The following CELSR2 variants were observed in gnomAD, a reference collection of about 807,000 sequenced individuals.
CELSR2 encodes the protein cadherin EGF LAG seven-pass G-type receptor 2, also known as EGF-like protein 2.
In CELSR2, 81 loss-of-function variants were observed where a neutral mutation model predicts 251.6. The observed-to-expected ratio is 0.32, with a 90% CI of 0.27 to 0.39. The LOEUF is 0.39. Among genes scored for constraint, CELSR2 ranks in the 10% least tolerant of loss-of-function variants. The pLI, the probability that CELSR2 is intolerant of heterozygous loss-of-function variation, is 1.00. For synonymous variants in CELSR2, 1,721 were observed against 1,670.5 expected (o/e 1.03, Z -0.74); for missense variants, 3,365 against 3,947.7 (o/e 0.85, Z 3.96).
rs1469736422 is a variant in CELSR2, at chr1:109,267,633, G to A, written c.6099G>A (p.Leu2033=). Residue 2033 remains leucine (L), a synonymous_variant, in exon 16 of 34, where the codon CTG becomes CTA. Transcript: ENST00000271332. Reference sequence around the variant, plus strand: ...GCACGTCCATCACCTTCTCAGAACTGAAGGGCTTCGTAAGTGAACCCCCTC... The same window carrying A: ...GCACGTCCATCACCTTCTCAGAACTAAAGGGCTTCGTAAGTGAACCCCCTC... ...FNCTSITFSE[L]KGFAERLQRN... The A allele has an allele frequency of 6.2e-7, 1 of 1,614,174 alleles. No homozygotes were observed. Among genetic ancestry groups the A allele is most frequent in the Non-Finnish European group, 8.5e-7 (1 of 1,180,012 alleles).
In CELSR2 at chr1:109,258,626, G is replaced by A. The variant is rs766309271; in HGVS notation, c.3505G>A (p.Val1169Ile). 5 of 1,567,620 alleles carry A rather than the reference G, an allele frequency of 3.2e-6. No individual in the cohort carries two copies. The highest frequency in any genetic ancestry group is 2.7e-5 in the African/African-American group (2 of 73,762). ...ACCGGACCACGTGGTGGTCTTCAAC[G>A]TACAGCGGGACACCGACGCCCCCGG... is the stretch of plus-strand genomic sequence containing the variant. ...TPPDHVVVFN[V>I]QRDTDAPGGH... The change falls in exon 2 of 34, where the codon GTA (valine) becomes ATA (isoleucine). Residue 1169 changes from valine to isoleucine, a missense_variant. Val to Ile is a conservative substitution (Grantham distance 29). Transcript: ENST00000271332.
At chr1:109,257,140 G>T (rs1655872053) in intron 1 of CELSR2, among the ~76,000 whole-genome samples, 1 of 152,112 alleles carries the variant, frequency 6.6e-6, no homozygotes, top group South Asian at 2.1e-4. Flanking sequence ...GATCACTTGA[G>T]GCCAGGAATT....
In CELSR2 at chr1:109,275,478, G is replaced by C. The variant is rs188817460; in HGVS notation, c.*1429G>C. On this transcript the variant is annotated 3_prime_UTR_variant, in exon 34 of 34. Transcript: ENST00000271332. ...AAAGAGGCTGTGGGCAGGAAAGAAA[G>C]GCTCCTGTTTCTCATTTGTGAGGCC... 2.0e-5 allele frequency: 3 copies of C among 152,342 alleles called. No individual in the cohort carries two copies. The East Asian group carries it at 5.8e-4, about 29-fold the overall frequency. 9.4% of individuals were successfully genotyped at this position (152,342 alleles called of 1,614,324 possible).
chr1:109,265,639 CG>C, intron 13 of CELSR2, 95 bp from the exon 14 acceptor site: 4 of 1,446,282 alleles, frequency 2.8e-6, no homozygotes, highest in Non-Finnish European at 3.8e-6. Flanking sequence ...GACCTGAGGT[CG>C]GGACCCTCTC....
chr1:109,269,656 AC>A lies in CELSR2; in HGVS notation c.6981-35del. ...GAAAGTCCAGGCCCCTGCATGCCTC[AC>A]CCTCCTTGTCTCCCTGACCCTGCCT... On this transcript the variant is annotated intron_variant, in intron 21 of 33. Coordinates refer to ENST00000271332, the MANE Select transcript of CELSR2 (RefSeq NM_001408.3). The surrounding 1 kb of genome is among the most constrained non-coding windows in gnomAD (Gnocchi z 6.4). 1 of 1,613,476 alleles carries A rather than the reference AC, an allele frequency of 6.2e-7. No homozygotes were observed. The highest frequency in any genetic ancestry group is 8.5e-7 in the Non-Finnish European group (1 of 1,179,728).
rs748572588 is a variant in CELSR2, at chr1:109,273,552, G to T, written c.8626G>T (p.Gly2876Ter). Residue 2876 changes from glycine (G) to a stop codon, truncating the protein, a stop_gained, in exon 33 of 34, where the codon GGA becomes TGA. Transcript: ENST00000271332. LOFTEE classifies it high-confidence loss of function. ...CTCCTCCGCTAGTGAGGGCAGCCGG[G>T]GAGGCCCCCCTCCCCGCCCACCGCC... ...RGSSASEGSRGGPPPRPPPRQ... is the reference protein window; with the variant it reads ...RGSSASEGSR The T allele has an allele frequency of 1.3e-6, 2 of 1,580,524 alleles. No individual in the cohort carries two copies. Among genetic ancestry groups the T allele is most frequent in the South Asian group, 2.3e-5 (2 of 87,286 alleles).
At chr1:109,253,888 C>T in intron 1 of CELSR2, among the ~76,000 whole-genome samples, 1 of 152,238 alleles carries the variant, frequency 6.6e-6, no homozygotes, top group East Asian at 1.9e-4. Context: ...GGTCAGGACC[C>T]TGTAGTCCTC....
chr1:109,264,565 C>T lies in CELSR2; in HGVS notation c.5401C>T (p.Pro1801Ser). ...CCTGCCTGACCCTTGTGACTCAAACCCGTGTCCTGCTAACAGCTATTGCAG... is the reference window on the plus strand; with the variant it reads ...CCTGCCTGACCCTTGTGACTCAAACTCGTGTCCTGCTAACAGCTATTGCAG... ...CSLPDPCDSN[P>S]CPANSYCSND... Residue 1801 changes from proline (P) to serine (S), a missense_variant, in exon 11 of 34, where the codon CCG (proline) becomes TCG (serine). By Grantham distance (74) the Pro-to-Ser change is moderately conservative. Coordinates refer to ENST00000271332, the MANE Select transcript of CELSR2 (RefSeq NM_001408.3). The T allele has an allele frequency of 1.9e-6, 3 of 1,614,158 alleles. No homozygotes were observed. Among genetic ancestry groups the T allele is most frequent in the Non-Finnish European group, 2.5e-6 (3 of 1,180,006 alleles).
chr1:109,263,691 T>C lies in CELSR2; in HGVS notation c.4915T>C (p.Tyr1639His), dbSNP rs653635. ...CTCGCTGCCCATCTCCCAACCCTGG[T>C]ACCTCAGCCTCATGTTCCGCACGCG... Reference protein sequence around the residue: ...GLSLPISQPWYLSLMFRTRQA... With the variant: ...GLSLPISQPWHLSLMFRTRQA... Residue 1639 changes from tyrosine to histidine, a missense_variant, in exon 9 of 34, where the codon TAC becomes CAC. Physicochemically the swap from Tyr to His is moderately conservative, Grantham distance 83. Transcript: ENST00000271332. The C allele has an allele frequency of 0.097, 157,300 of 1,613,814 alleles. 9,036 individuals are homozygous for C. The highest frequency in any genetic ancestry group is 0.24 in the African/African-American group (17,776 of 75,014).
intron 15 of CELSR2, among the ~76,000 whole-genome samples, chr1:109,266,842 T>C (rs1214177285): frequency 6.6e-6 from 1 of 151,030 alleles, no homozygotes; most frequent in African/African-American, 2.4e-5. Flanking sequence ...ACCTCAGCCT[T>C]CCGAGTAGCT....
Position 109,266,179 on chromosome 1 carries a change from G to A in CELSR2, c.5986G>A (p.Ala1996Thr). ...WPRTRFGLPA[A>T]APCPKGSFGT... The stretch of plus-strand genomic sequence containing the variant: ...CCGTACCCGCTTCGGGCTGCCTGCT[G>A]CTGCTCCCTGTCCCAAAGGCTCCTT... The change falls in exon 15 of 34, where the codon GCT becomes ACT. Residue 1996 changes from alanine to threonine, a missense_variant. This residue lies in a region of CELSR2 where 2,093 missense variants were observed against 2,382.8 expected (regional missense o/e 0.88). Coordinates refer to ENST00000271332, the MANE Select transcript of CELSR2 (RefSeq NM_001408.3). The A allele has an allele frequency of 2.5e-6, 4 of 1,614,156 alleles. No individual in the cohort carries two copies. Among genetic ancestry groups the A allele is most frequent in the Non-Finnish European group, 3.4e-6 (4 of 1,180,034 alleles).
Position 109,269,195 on chromosome 1 carries a change from G to C in CELSR2, c.6717G>C (p.Glu2239Asp), listed in dbSNP as rs943489027. 3.7e-6 allele frequency: 6 copies of C among 1,612,554 alleles called. No homozygotes were observed. The African/African-American group carries it at 6.7e-5, about 18-fold the overall frequency. Residue 2239 changes from glutamate to aspartate, a missense_variant, in exon 20 of 34, where the codon GAG becomes GAC. Around this residue, in one of 5 missense-constraint regions of CELSR2, gnomAD observed 2,093 missense variants for 2,382.8 expected, o/e 0.88. Coordinates refer to ENST00000271332, the MANE Select transcript of CELSR2 (RefSeq NM_001408.3). The surrounding 1 kb of genome is among the most constrained non-coding windows in gnomAD (Gnocchi z 6.4). ...ELARRQRRHP[E>D]LSQGEAVASV... ...CACGGCGACAGCGACGGCACCCGGA[G>C]CTGAGCCAGGGTGAGGCTGTGGCCA...
At chr1:109,268,379 T>C (rs529371667) in intron 17 of CELSR2, among the ~76,000 whole-genome samples, 9 of 152,152 alleles carry the variant, frequency 5.9e-5, no homozygotes, top group Non-Finnish European at 1.2e-4. Flanking sequence ...ATGTAGAGAA[T>C]GAGGAGGAGG....
intron 23 of CELSR2, 129 bp from the exon 24 acceptor site, chr1:109,270,297 C>T: frequency 2.3e-6 from 3 of 1,301,330 alleles, no homozygotes; most frequent in Non-Finnish European, 3.2e-6. Flanking sequence ...TCCCCCAGCA[C>T]CTGCCTCTGG....
chr1:109,267,931 G>T lies in CELSR2; in HGVS notation c.6189G>T (p.Thr2063=). The change falls in exon 17 of 34, where the codon ACG becomes ACT. Residue 2063 remains threonine (T), a synonymous_variant. Coordinates refer to ENST00000271332, the MANE Select transcript of CELSR2 (RefSeq NM_001408.3). The part of the protein sequence containing the change: ...QQLALLLRNA[T]QHTAGYFGSD... ...TAGCCCTGCTCCTGCGCAACGCCAC[G>T]CAGCACACAGCTGGCTACTTCGGCA... is the stretch of plus-strand genomic sequence containing the variant. 1 of 1,611,718 alleles carries T rather than the reference G, an allele frequency of 6.2e-7. No homozygotes were observed. The highest frequency in any genetic ancestry group is 8.5e-7 in the Non-Finnish European group (1 of 1,179,836).
Position 109,264,879 on chromosome 1 carries a change from G to A in CELSR2, c.5476G>A (p.Asp1826Asn). Reference sequence around the variant, plus strand: ...CCTTCTGGTCCCAGGTTACTATGGTGACAACTGTACTAATGTGTGTGACCT... The same window carrying A: ...CCTTCTGGTCCCAGGTTACTATGGTAACAACTGTACTAATGTGTGTGACCT... Reference protein sequence around the residue: ...SCSCDPGYYGDNCTNVCDLNP... With the variant: ...SCSCDPGYYGNNCTNVCDLNP... Residue 1826 changes from aspartate to asparagine, a missense_variant, in exon 12 of 34, where the codon GAC (aspartate) becomes AAC (asparagine). By Grantham distance (23) the Asp-to-Asn change is conservative (BLOSUM62 1). Around this residue, in one of 5 missense-constraint regions of CELSR2, gnomAD observed 2,093 missense variants for 2,382.8 expected, o/e 0.88. Coordinates refer to ENST00000271332, the MANE Select transcript of CELSR2 (RefSeq NM_001408.3). The A allele has an allele frequency of 2.5e-6, 4 of 1,614,218 alleles. No homozygotes were observed. Among genetic ancestry groups the A allele is most frequent in the Non-Finnish European group, 3.4e-6 (4 of 1,180,022 alleles).
chr1:109,252,734 C>T lies in CELSR2; in HGVS notation c.2655C>T (p.Ala885=), dbSNP rs1655732047. The change falls in exon 1 of 34, where the codon GCC becomes GCT. Residue 885 remains alanine, a synonymous_variant. Coordinates refer to ENST00000271332, the MANE Select transcript of CELSR2 (RefSeq NM_001408.3). This position sits in a 1 kb window ranked among gnomAD's most constrained non-coding sequence, Gnocchi z 4.8. ...GGAGGCTGGATCGAGAGAACGTGGC[C>T]CAGTATGTCTTGCGGGCATATGCAG... The part of the protein sequence containing the change: ...TLRRLDRENV[A]QYVLRAYAVD... 2 of 1,614,022 alleles carry T rather than the reference C, an allele frequency of 1.2e-6. No individual in the cohort carries two copies. The highest frequency in any genetic ancestry group is 2.7e-5 in the African/African-American group (2 of 75,034).
In CELSR2 at chr1:109,267,948, A is replaced by G; in HGVS notation, c.6206A>G (p.Tyr2069Cys). The G allele has an allele frequency of 6.2e-7, 1 of 1,611,778 alleles. No homozygotes were observed. Among genetic ancestry groups the G allele is most frequent in the Non-Finnish European group, 8.5e-7 (1 of 1,179,782 alleles). Residue 2069 changes from tyrosine to cysteine, a missense_variant, in exon 17 of 34, where the codon TAC becomes TGC. Physicochemically the swap from Tyr to Cys is radical, Grantham distance 194. This residue lies in a region of CELSR2 where 2,093 missense variants were observed against 2,382.8 expected (regional missense o/e 0.88). Transcript: ENST00000271332. ...LRNATQHTAG[Y>C]FGSDVKVAYQ... ...AACGCCACGCAGCACACAGCTGGCT[A>G]CTTCGGCAGCGACGTCAAGGTGGCC...
Position 109,272,888 on chromosome 1 carries a change from C to T in CELSR2, c.8199C>T (p.Ser2733=). 1 of 1,614,040 alleles carries T rather than the reference C, an allele frequency of 6.2e-7. No individual in the cohort carries two copies. Among genetic ancestry groups the T allele is most frequent in the Non-Finnish European group, 8.5e-7 (1 of 1,179,974 alleles). Residue 2733 remains serine (S), a synonymous_variant, in exon 31 of 34, where the codon TCC becomes TCT. Coordinates refer to ENST00000271332, the MANE Select transcript of CELSR2 (RefSeq NM_001408.3). ...DLSLEDDQSG[S]YASTHSSDSE... ...CCTTAGAAGACGACCAGAGTGGCTCCTATGCCTCTACCCACTCATCAGACA... is the reference window on the plus strand; with the variant it reads ...CCTTAGAAGACGACCAGAGTGGCTCTTATGCCTCTACCCACTCATCAGACA...
Sources: allele counts gnomAD v4.1 joint callset (sites outside exome capture counted in the v4.1 genomes callset), GRCh38; gene constraint gnomAD v4.1.1; regional missense constraint gnomAD v4.1.1; non-coding constraint Gnocchi (gnomAD v3.1); transcripts MANE v1.5; gene names NCBI Gene and HGNC (gene_info 2026-07-23, HGNC 2026-07-21).